Variants in CACUL1 observed in about 807,000 individuals in gnomAD.
CACUL1 encodes CDK2-associated and cullin domain-containing protein 1.
A neutral mutation model predicts 45.2 loss-of-function variants in CACUL1; 13 were observed. The observed-to-expected ratio is 0.29, with a 90% CI of 0.19 to 0.46. The LOEUF (loss-of-function observed/expected upper bound fraction) is 0.46. CACUL1 is among the 20% of genes least tolerant of loss of function. The probability of loss-of-function intolerance (pLI) is 1.00; values close to 1 mark genes in which losing one functional copy is unlikely to be tolerated. For missense variants in CACUL1, 421 were observed against 471.4 expected (o/e 0.89, Z 0.99); for synonymous variants, 197 against 174.2 (o/e 1.13, Z -1.03).
At position 118,681,744 on chromosome 10, in the gene CACUL1, T is replaced by TACAC. The variant is rs369158128; in HGVS notation, c.*4380_*4383dup. On this transcript the variant is annotated 3_prime_UTR_variant, in exon 9 of 9. Transcript: ENST00000369151. ...ACTCCATCAACAGAAGCAGAAACAG[T>TACAC]ACACATATTCATGCCACTCGGCTCT... 16 of 152,276 alleles carry TACAC rather than the reference T, an allele frequency of 1.1e-4. No individual in the cohort carries two copies. The highest frequency in any genetic ancestry group is 3.9e-4 in the African/African-American group (16 of 41,440). The allele number at this position is 152,276 out of a possible 1,614,324, so 9.4% of individuals were successfully genotyped here.
chr10:118,685,035 C>A lies in CACUL1; in HGVS notation c.*1093G>T, dbSNP rs1268925492. On this transcript the variant is annotated 3_prime_UTR_variant, in exon 9 of 9. Transcript: ENST00000369151. ...AGGGAGCCTTAGGACAGCAGTGCTA[C>A]TTCTTCCCTATCACACTCAAATATA... The A allele has an allele frequency of 6.6e-6, 1 of 152,186 alleles. No individual in the cohort carries two copies. The highest frequency in any genetic ancestry group is 1.5e-5 in the Non-Finnish European group (1 of 68,048). 9.4% of individuals were successfully genotyped at this position (152,186 alleles called of 1,614,324 possible).
intron 5 of CACUL1, among the ~76,000 whole-genome samples, chr10:118,698,451 CT>C (rs1218947596): frequency 2.0e-5 from 3 of 152,046 alleles, no homozygotes; most frequent in African/African-American, 4.8e-5. Context: ...GCCGACATGC[CT>C]TTTATCAAGA....
intron 3 of CACUL1, among the ~76,000 whole-genome samples, chr10:118,709,044 T>G (rs1845459961): frequency 6.6e-6 from 1 of 152,246 alleles, no homozygotes; most frequent in Non-Finnish European, 1.5e-5. Context: ...GAAGTCTCAC[T>G]GATAACATAA....
rs753987366 is a variant in CACUL1 at position 118,715,885 on chromosome 10, G to T, written c.598-8298C>A. On this transcript the variant is annotated intron_variant, in intron 3 of 8. Coordinates refer to ENST00000369151, the MANE Select transcript of CACUL1 (RefSeq NM_153810.5). ...TAAACATGACAAAACATGTATCTTT[G>T]TAAAAGTAATGTACGTTCATTGAAA... 3.3e-4 allele frequency among the ~76,000 whole-genome samples: 51 copies of T among 152,274 alleles called. 1 individual carries two copies. The highest frequency in any genetic ancestry group is 1.9e-3 in the Admixed American group (29 of 15,306).
intron 3 of CACUL1, among the ~76,000 whole-genome samples, chr10:118,710,490 C>T (rs556906001): frequency 6.6e-6 from 1 of 152,170 alleles, no homozygotes; most frequent in Non-Finnish European, 1.5e-5. Flanking sequence ...ACAGGACTGA[C>T]AATGGGAATA....
chr10:118,742,521 A>C (rs1182362496), intron 1 of CACUL1, among the ~76,000 whole-genome samples: 1 of 152,208 alleles, frequency 6.6e-6, no homozygotes, highest in African/African-American at 2.4e-5. Context: ...TAGCAAGACA[A>C]GATCCCCAAT....
At position 118,703,669 on chromosome 10, in the gene CACUL1, T is replaced by G. The variant is rs558236648; in HGVS notation, c.694-2261A>C. Among the ~76,000 whole-genome samples the G allele has an allele frequency of 2.6e-3, 396 of 152,288 alleles. 4 individuals are homozygous for G. Among genetic ancestry groups the G allele is most frequent in the African/African-American group, 9.1e-3 (378 of 41,556 alleles). On this transcript the variant is annotated intron_variant, in intron 4 of 8. Transcript: ENST00000369151. ...AGTCTTCCAAAGAGGCTTTACCAATTTACATTTCCACCAAAAGTGTGAGAA... is the reference window on the plus strand; with the variant it reads ...AGTCTTCCAAAGAGGCTTTACCAATGTACATTTCCACCAAAAGTGTGAGAA...
intron 5 of CACUL1, 92 bp downstream of exon 5, chr10:118,701,214 G>T: frequency 4.8e-6 from 3 of 621,192 alleles, no homozygotes; most frequent in South Asian, 2.8e-5. Flanking sequence ...TTAACATTGG[G>T]GTTTACGTGA....
chr10:118,701,497 A>T (rs1455640151), intron 4 of CACUL1, 89 bp from the exon 5 acceptor site: 1 of 613,518 alleles, frequency 1.6e-6, no homozygotes, highest in Non-Finnish European at 2.7e-6. Context: ...TTAGAAAACA[A>T]TGCATAAAGG....
chr10:118,732,316 G>A (rs879802050), intron 1 of CACUL1, among the ~76,000 whole-genome samples: 5 of 152,152 alleles, frequency 3.3e-5, no homozygotes, highest in Admixed American at 2.0e-4. Flanking sequence ...AAGAAAGGTC[G>A]AGTGGCTCCA....
intron 1 of CACUL1, among the ~76,000 whole-genome samples, chr10:118,731,146 T>C (rs1564836832): frequency 6.6e-6 from 1 of 152,160 alleles, no homozygotes; most frequent in African/African-American, 2.4e-5. Flanking sequence ...CAGGTAACAG[T>C]TGCTTCACGG....
rs931405956 is a variant in CACUL1 at position 118,683,213 on chromosome 10, C to A, written c.*2915G>T. ...TGACCCGGCTTTCCTTTTAAGGAGCCAGTTTCAGGCTGCACATACATACTA... is the reference window on the plus strand; with the variant it reads ...TGACCCGGCTTTCCTTTTAAGGAGCAAGTTTCAGGCTGCACATACATACTA... On this transcript the variant is annotated 3_prime_UTR_variant, in exon 9 of 9. Coordinates refer to ENST00000369151, the MANE Select transcript of CACUL1 (RefSeq NM_153810.5). The A allele has an allele frequency of 6.6e-6, 1 of 152,050 alleles. No homozygotes were observed. Among genetic ancestry groups the A allele is most frequent in the African/African-American group, 2.4e-5 (1 of 41,378 alleles). 9.4% of individuals were successfully genotyped at this position (152,050 alleles called of 1,614,324 possible). A position where few individuals can be genotyped will look rare whatever the true frequency, so the allele number is the denominator to read the frequency against.
At chr10:118,701,944 C>G (rs2119578362) in intron 4 of CACUL1, among the ~76,000 whole-genome samples, 1 of 152,302 alleles carries the variant, frequency 6.6e-6, no homozygotes, top group East Asian at 1.9e-4. Flanking sequence ...GGAAAAATCT[C>G]CTGCAGTCAT....
intron 3 of CACUL1, among the ~76,000 whole-genome samples, chr10:118,715,692 C>T (rs1332547304): frequency 6.6e-6 from 1 of 152,130 alleles, no homozygotes; most frequent in African/African-American, 2.4e-5. Flanking sequence ...ATCCCTCCTC[C>T]TCTACCTACC....
At chr10:118,690,394 A>AT (rs1845253239) in intron 7 of CACUL1, among the ~76,000 whole-genome samples, 1 of 151,728 alleles carries the variant, frequency 6.6e-6, no homozygotes. Context: ...GATACAGGCT[A>AT]TTTTCTCATG....
chr10:118,744,293 G>GGAGCATCGCTT, intron 1 of CACUL1, among the ~76,000 whole-genome samples: 1 of 152,288 alleles, frequency 6.6e-6, no homozygotes, highest in Admixed American at 6.5e-5. Context: ...GGCTGGGGCA[G>GGAGCATCGCTT]GAGCATCGCT....
Position 118,729,350 on chromosome 10 carries a change from C to T in CACUL1, c.542G>A (p.Ser181Asn). ...ATTAGTTATCTTTTTAATCAGATCA[C>T]TATACATCTGTTCCGAGTGCTGCTG... Reference protein sequence around the residue: ...VCQQHSEQMYSDLIKKITNHL... With the variant: ...VCQQHSEQMYNDLIKKITNHL... The change falls in exon 3 of 9, where the codon AGT becomes AAT. Residue 181 changes from serine (S) to asparagine (N), a missense_variant. Transcript: ENST00000369151. 6 of 1,613,026 alleles carry T rather than the reference C, an allele frequency of 3.7e-6. No homozygotes were observed. Among genetic ancestry groups the T allele is most frequent in the Non-Finnish European group, 5.1e-6 (6 of 1,179,882 alleles).
chr10:118,732,630 T>C (rs1404071357), intron 1 of CACUL1, among the ~76,000 whole-genome samples: 1 of 152,144 alleles, frequency 6.6e-6, no homozygotes, highest in Non-Finnish European at 1.5e-5. Context: ...GTGAGGCGAC[T>C]CTAAGGCCCC....
chr10:118,699,524 T>C (rs1018125784), intron 5 of CACUL1, among the ~76,000 whole-genome samples: 17 of 152,230 alleles, frequency 1.1e-4, no homozygotes, highest in Non-Finnish European at 2.4e-4. Context: ...TACCAAATGG[T>C]AGCATTTCTC....
Sources: allele counts gnomAD v4.1 joint callset (sites outside exome capture counted in the v4.1 genomes callset), GRCh38; gene constraint gnomAD v4.1.1; transcripts MANE v1.5; gene names NCBI Gene and HGNC (gene_info 2026-07-23, HGNC 2026-07-21).